GRM5: variants seen among roughly 807,000 people sequenced by gnomAD.
The protein encoded by GRM5 is glutamate metabotropic receptor 5.
GRM5 carries 19 observed loss-of-function variants against 83.1 expected under a neutral mutation model. That is an observed-to-expected ratio of 0.23 (90% CI 0.16 to 0.34). The LOEUF is 0.34. Ranked by LOEUF, GRM5 falls within the 10% of genes least tolerant of loss-of-function variation. The pLI, the probability that GRM5 is intolerant of heterozygous loss-of-function variation, is 1.00. For synonymous variants in GRM5, 675 were observed against 633.6 expected (o/e 1.07, Z -0.98); for missense variants, 1,160 against 1,588.3 (o/e 0.73, Z 4.58).
At chr11:88,620,707 C>T (rs532009356) in intron 4 of GRM5, among the ~76,000 whole-genome samples, 19 of 152,270 alleles carry the variant, frequency 1.2e-4, no homozygotes, top group African/African-American at 4.6e-4. Context: ...TCACATAAAT[C>T]ATTCATCCTA....
At chr11:88,798,688 C>T (rs371501980) in intron 3 of GRM5, among the ~76,000 whole-genome samples, 4 of 151,080 alleles carry the variant, frequency 2.6e-5, no homozygotes, top group South Asian at 4.2e-4. Context: ...TTATTTATCA[C>T]GGTCATAATT....
chr11:88,557,290 T>C (rs747464320), intron 8 of GRM5, among the ~76,000 whole-genome samples: 2 of 152,152 alleles, frequency 1.3e-5, no homozygotes, highest in Non-Finnish European at 2.9e-5. Flanking sequence ...CATAAAGTAG[T>C]TGCTCATTAA....
At chr11:88,806,415 C>T (rs1421087703) in intron 3 of GRM5, among the ~76,000 whole-genome samples, 1 of 152,136 alleles carries the variant, frequency 6.6e-6, no homozygotes, top group Non-Finnish European at 1.5e-5. Flanking sequence ...TCAACATTGA[C>T]TTAATTCATT....
intron 2 of GRM5, among the ~76,000 whole-genome samples, chr11:88,894,167 A>C (rs1404438916): frequency 1.3e-5 from 2 of 151,956 alleles, no homozygotes; most frequent in African/African-American, 4.8e-5. Context: ...CCATTTGCAT[A>C]ATAACATTAG....
At chr11:88,703,502 A>G (rs1565193511) in intron 3 of GRM5, among the ~76,000 whole-genome samples, 1 of 152,022 alleles carries the variant, frequency 6.6e-6, no homozygotes, top group Non-Finnish European at 1.5e-5. Flanking sequence ...GTTTGAAACA[A>G]AAGGTTGGGC....
chr11:88,541,384 GAAGTT>G (rs1189192874), intron 8 of GRM5, among the ~76,000 whole-genome samples: 1 of 152,174 alleles, frequency 6.6e-6, no homozygotes, highest in Non-Finnish European at 1.5e-5. Flanking sequence ...GCTAATGCAT[GAAGTT>G]AAGTAGTATC....
intron 3 of GRM5, among the ~76,000 whole-genome samples, chr11:88,773,791 A>G (rs1942789748): frequency 2.0e-5 from 3 of 152,016 alleles, no homozygotes; most frequent in South Asian, 2.1e-4. Context: ...TGAGGCCTCT[A>G]TTCTGTTCCA....
chr11:88,831,000 A>G (rs1169679396), intron 3 of GRM5, among the ~76,000 whole-genome samples: 1 of 151,726 alleles, frequency 6.6e-6, no homozygotes, highest in East Asian at 1.9e-4. Flanking sequence ...CCTGACCCCC[A>G]TGATTCAATT....
At chr11:88,529,729 T>A (rs1941963717) in intron 8 of GRM5, among the ~76,000 whole-genome samples, 1 of 151,890 alleles carries the variant, frequency 6.6e-6, no homozygotes, top group East Asian at 1.9e-4. Context: ...AGCTAATGCT[T>A]AGGGTAGCGA....
At chr11:88,680,300 G>A (rs1940446656) in intron 3 of GRM5, among the ~76,000 whole-genome samples, 2 of 151,260 alleles carry the variant, frequency 1.3e-5, no homozygotes, top group South Asian at 2.1e-4. Context: ...TGTTATCATT[G>A]TTCAATTCCC....
At chr11:88,523,586 G>A (rs891449705) in intron 9 of GRM5, among the ~76,000 whole-genome samples, 3 of 152,166 alleles carry the variant, frequency 2.0e-5, no homozygotes, top group South Asian at 2.1e-4. Flanking sequence ...TAAAGGGATT[G>A]TAGGCATAAG....
At chr11:88,869,989 C>A (rs1019999617) in intron 2 of GRM5, among the ~76,000 whole-genome samples, 2 of 151,208 alleles carry the variant, frequency 1.3e-5, no homozygotes, top group African/African-American at 4.9e-5. Context: ...TCCTGTCTTT[C>A]TAATAGAAGT....
At position 88,745,552 on chromosome 11, in the gene GRM5, G is replaced by A. The variant is rs375059685; in HGVS notation, c.912-92149C>T. ...ATAACATTCTTAGGCTGAGCAGTTC[G>A]TTTGGACCTTGGCCTTGTAGATCTT... On this transcript the variant is annotated intron_variant, in intron 3 of 9. Transcript: ENST00000305447. Among the ~76,000 whole-genome samples the A allele has an allele frequency of 5.3e-4, 81 of 152,206 alleles. 1 individual carries two copies. Among genetic ancestry groups the A allele is most frequent in the African/African-American group, 1.8e-3 (74 of 41,544 alleles).
At chr11:88,605,463 T>A (rs1938115517) in intron 4 of GRM5, among the ~76,000 whole-genome samples, 1 of 151,964 alleles carries the variant, frequency 6.6e-6, no homozygotes, top group Admixed American at 6.6e-5. Flanking sequence ...TCAAAGCATA[T>A]GCTCTCTATA....
At chr11:88,906,769 C>T (rs922162021) in intron 2 of GRM5, among the ~76,000 whole-genome samples, 4 of 152,134 alleles carry the variant, frequency 2.6e-5, no homozygotes, top group African/African-American at 9.7e-5. Context: ...ACATCATATT[C>T]ATCTGCTAAA....
intron 2 of GRM5, among the ~76,000 whole-genome samples, chr11:88,911,156 G>A (rs539156886): frequency 6.6e-6 from 1 of 152,060 alleles, no homozygotes; most frequent in South Asian, 2.1e-4. Context: ...ATTTACCATA[G>A]AACATCTAAA....
At chr11:88,653,121 G>T in intron 4 of GRM5, 47 bp downstream of exon 4, 1 of 1,166,014 alleles carries the variant, frequency 8.6e-7, no homozygotes, top group Non-Finnish European at 1.3e-6. Flanking sequence ...TACTTAAATT[G>T]GAACCTTAGC....
At chr11:88,952,479 A>G (rs1376088612) in intron 2 of GRM5, among the ~76,000 whole-genome samples, 4 of 152,140 alleles carry the variant, frequency 2.6e-5, no homozygotes, top group Non-Finnish European at 5.9e-5. Flanking sequence ...TGGTATTGGT[A>G]TGCATTCAAT....
At chr11:88,982,541 A>T (rs1266907010) in intron 2 of GRM5, among the ~76,000 whole-genome samples, 3 of 152,170 alleles carry the variant, frequency 2.0e-5, no homozygotes, top group Non-Finnish European at 4.4e-5. Flanking sequence ...ATTATTTATG[A>T]GAATAATACT....
Sources: gnomAD v4.1 joint callset for allele counts (sites outside exome capture counted in the v4.1 genomes callset) on GRCh38, gnomAD v4.1.1 for gene constraint, MANE v1.5 for transcripts, NCBI Gene and HGNC (gene_info 2026-07-23, HGNC 2026-07-21) for gene names.